Variants in CD46 observed in about 807,000 individuals in gnomAD.
CD46 encodes CD46 molecule, also known as membrane cofactor protein.
Under a neutral mutation model 53.3 loss-of-function variants are expected in CD46, and 30 were observed. That is an observed-to-expected ratio of 0.56 (90% CI 0.42 to 0.76). CD46 has a LOEUF of 0.76. CD46 is among the 30% of genes least tolerant of loss of function. The probability of loss-of-function intolerance (pLI) is 0.00; values close to 1 mark genes in which losing one functional copy is unlikely to be tolerated. For missense variants in CD46, 409 were observed against 463.0 expected (o/e 0.88, Z 1.07); for synonymous variants, 142 against 152.0 (o/e 0.93, Z 0.48).
At chr1:207,777,339 A>T (rs1407343429) in intron 8 of CD46, among the ~76,000 whole-genome samples, 1 of 152,042 alleles carries the variant, frequency 6.6e-6, no homozygotes, top group African/African-American at 2.4e-5. Flanking sequence ...ATCTTTTTTT[A>T]AAAAGTTTTA....
At chr1:207,775,752 C>T (rs1019277355) in intron 8 of CD46, among the ~76,000 whole-genome samples, 1 of 152,188 alleles carries the variant, frequency 6.6e-6, no homozygotes, top group Non-Finnish European at 1.5e-5. Context: ...CCAGGTGGGG[C>T]ACCCACCACC....
At chr1:207,765,740 A>G (rs1045121818) in intron 5 of CD46, among the ~76,000 whole-genome samples, 9 of 152,208 alleles carry the variant, frequency 5.9e-5, no homozygotes, top group South Asian at 4.1e-4. Flanking sequence ...TCAAAGTGCA[A>G]TGACCACTTT....
At chr1:207,758,555 T>G (rs1436488820) in intron 3 of CD46, among the ~76,000 whole-genome samples, 1 of 152,208 alleles carries the variant, frequency 6.6e-6, no homozygotes, top group Admixed American at 6.5e-5. Flanking sequence ...GCATTATACC[T>G]CTTAATGACC....
chr1:207,753,490 CA>C (rs1655154122), intron 1 of CD46, among the ~76,000 whole-genome samples: 2 of 152,270 alleles, frequency 1.3e-5, no homozygotes, highest in South Asian at 4.1e-4. Context: ...GGCAACATGG[CA>C]AAACCTTGTC....
chr1:207,763,765 T>C (rs924537196), intron 5 of CD46, among the ~76,000 whole-genome samples: 2 of 152,070 alleles, frequency 1.3e-5, no homozygotes, highest in African/African-American at 4.8e-5. Flanking sequence ...TTCATTCTTT[T>C]AAGGTTCAAA....
chr1:207,783,845 A>G (rs1322011857), intron 9 of CD46: 2 of 153,072 alleles, frequency 1.3e-5, no homozygotes, highest in East Asian at 1.9e-4. Context: ...CTGTGGTCCA[A>G]GTAAATCTGT....
At chr1:207,754,855 A>G (rs75256052) in intron 1 of CD46, among the ~76,000 whole-genome samples, 5 of 59,534 alleles carry the variant, frequency 8.4e-5, no homozygotes, top group Admixed American at 1.5e-4. Context: ...AAACAAAAGG[A>G]CTTTTTTTTT....
intron 8 of CD46, among the ~76,000 whole-genome samples, chr1:207,779,001 T>A (rs1435850190): frequency 6.6e-6 from 1 of 152,214 alleles, no homozygotes; most frequent in Non-Finnish European, 1.5e-5. Context: ...ATGTTTCACC[T>A]CCCTGGTTAG....
At chr1:207,770,737 C>A (rs911904761) in intron 8 of CD46, among the ~76,000 whole-genome samples, 10 of 152,102 alleles carry the variant, frequency 6.6e-5, no homozygotes, top group Non-Finnish European at 1.5e-4. Flanking sequence ...TGAACTCATC[C>A]TTTTTTATGG....
At chr1:207,765,855 G>A (rs757802157) in intron 5 of CD46, among the ~76,000 whole-genome samples, 4 of 152,174 alleles carry the variant, frequency 2.6e-5, no homozygotes, top group Non-Finnish European at 5.9e-5. Context: ...ATATGAGGAT[G>A]TTCACAGCAG....
At chr1:207,765,903 T>G (rs1288372422) in intron 5 of CD46, among the ~76,000 whole-genome samples, 1 of 152,204 alleles carries the variant, frequency 6.6e-6, no homozygotes, top group East Asian at 1.9e-4. Context: ...AATCGCCACA[T>G]GTTCTTGAGT....
intron 9 of CD46, among the ~76,000 whole-genome samples, chr1:207,783,908 A>G (rs1351010841): frequency 6.6e-6 from 1 of 152,210 alleles, no homozygotes; most frequent in Non-Finnish European, 1.5e-5. Context: ...TGAGAAGAGC[A>G]GAGTTGAACA....
intron 5 of CD46, among the ~76,000 whole-genome samples, chr1:207,763,729 G>A (rs1656503229): frequency 6.6e-6 from 1 of 151,022 alleles, no homozygotes; most frequent in Admixed American, 6.6e-5. Flanking sequence ...TGCTACATTA[G>A]AGCCTACACA....
chr1:207,758,837 G>A (rs1460243598), intron 3 of CD46, among the ~76,000 whole-genome samples: 21 of 152,170 alleles, frequency 1.4e-4, no homozygotes. Flanking sequence ...CTTTAAGACA[G>A]TGACCTTCCT....
chr1:207,759,654 T>G lies in CD46; in HGVS notation c.405T>G (p.Gly135=). ...FICNEGYYLI[G]EEILYCELKG... ...TCTCATTTAGTTATTACTTAATTGG[T>G]GAAGAAATTCTATATTGTGAACTTA... Residue 135 remains glycine (G), a synonymous_variant, in exon 4 of 13, where the codon GGT becomes GGG. Transcript: ENST00000367042. The G allele has an allele frequency of 6.3e-7, 1 of 1,581,220 alleles. No individual in the cohort carries two copies. Among genetic ancestry groups the G allele is most frequent in the Non-Finnish European group, 8.7e-7 (1 of 1,150,526 alleles).
At position 207,770,337 on chromosome 1, in the gene CD46, C is replaced by T; in HGVS notation, c.918C>T (p.Tyr306=). 1 of 1,605,514 alleles carries T rather than the reference C, an allele frequency of 6.2e-7. No homozygotes were observed. ...TTTTTCTAGGTCCTAGGCCTACTTA[C>T]AAGCCTCCAGTCTCAAATTATCCAG... ...ASSASGPRPT[Y]KPPVSNYPGY... The change falls in exon 8 of 13, where the codon TAC becomes TAT. Residue 306 remains tyrosine, a synonymous_variant. Coordinates refer to ENST00000367042, the MANE Select transcript of CD46 (RefSeq NM_172351.3).
intron 8 of CD46, among the ~76,000 whole-genome samples, chr1:207,779,967 A>T (rs1658569856): frequency 9.5e-6 from 1 of 105,344 alleles, no homozygotes; most frequent in Non-Finnish European, 2.0e-5. Flanking sequence ...ACTGCCGGGA[A>T]CACTTCCTTT....
chr1:207,776,345 C>T (rs180961989), intron 8 of CD46, among the ~76,000 whole-genome samples: 6 of 152,292 alleles, frequency 3.9e-5, no homozygotes, highest in African/African-American at 1.2e-4. Flanking sequence ...GGCGATGCCC[C>T]GCCCTCCGTG....
intron 7 of CD46, chr1:207,768,931 G>A (rs1293669627): frequency 6.6e-6 from 1 of 152,036 alleles, no homozygotes; most frequent in Non-Finnish European, 1.5e-5. Context: ...TTAAAGGATC[G>A]AAGAGAATTA....
Sources: gnomAD v4.1 joint callset for allele counts (sites outside exome capture counted in the v4.1 genomes callset) on GRCh38, gnomAD v4.1.1 for gene constraint, MANE v1.5 for transcripts, NCBI Gene and HGNC (gene_info 2026-07-23, HGNC 2026-07-21) for gene names.